Variants in LGSN observed in about 807,000 individuals in gnomAD.
LGSN encodes the protein lengsin, lens protein with glutamine synthetase domain.
A neutral mutation model predicts 19.5 loss-of-function variants in LGSN; 21 were observed. That is an observed-to-expected ratio of 1.07 (90% confidence interval 0.76 to 1.55). The LOEUF is 1.55. Among genes scored for constraint, LGSN ranks in the 40% most tolerant of loss-of-function variants. The pLI, the probability that LGSN is intolerant of heterozygous loss-of-function variation, is 0.00. For synonymous variants in LGSN, 257 were observed against 215.6 expected (o/e 1.19, Z -1.68); for missense variants, 673 against 608.5 (o/e 1.11, Z -1.12).
the LGSN span, among the ~76,000 whole-genome samples, chr6:63,390,791 C>T: frequency 6.9e-5 from 10 of 145,202 alleles, no homozygotes; most frequent in Non-Finnish European, 1.3e-4. Context: ...CCCCGGGGGA[C>T]GGAGCCTGCA....
At chr6:63,384,628 C>T in the LGSN span, among the ~76,000 whole-genome samples, 1 of 151,914 alleles carries the variant, frequency 6.6e-6, no homozygotes, top group African/African-American at 2.4e-5. Context: ...AGCAATTCTC[C>T]TGCCTCAGCC....
chr6:63,572,136 C>G, the LGSN span: 1 of 152,420 alleles, frequency 6.6e-6, no homozygotes, highest in African/African-American at 2.4e-5. Context: ...TGTGTGCACT[C>G]CTGGACCGTT....
At chr6:63,522,574 G>T in the LGSN span, among the ~76,000 whole-genome samples, 5 of 152,224 alleles carry the variant, frequency 3.3e-5, no homozygotes, top group East Asian at 9.6e-4. Context: ...TCTATAAGTT[G>T]AATATTCCCC....
At chr6:63,298,141 T>A (rs1043214508) in intron 1 of LGSN, among the ~76,000 whole-genome samples, 1 of 152,196 alleles carries the variant, frequency 6.6e-6, no homozygotes, top group Non-Finnish European at 1.5e-5. Context: ...GAAGTGGGAT[T>A]TGAAGTAGAG....
At chr6:63,453,047 C>T in the LGSN span, among the ~76,000 whole-genome samples, 1 of 151,986 alleles carries the variant, frequency 6.6e-6, no homozygotes, top group African/African-American at 2.4e-5. Context: ...TTCTTTGACT[C>T]GTATTTTATT....
the LGSN span, among the ~76,000 whole-genome samples, chr6:63,342,970 T>G: frequency 6.6e-6 from 1 of 152,202 alleles, no homozygotes; most frequent in East Asian, 1.9e-4. Context: ...GTTGAAAGTT[T>G]TTCCTTGTTG....
the LGSN span, among the ~76,000 whole-genome samples, chr6:63,412,416 A>AAAGAAAG: frequency 1.0e-5 from 1 of 97,476 alleles, no homozygotes; most frequent in East Asian, 2.5e-4. Flanking sequence ...AGAAAGAAAG[A>AAAGAAAG]AGAAAGAAAG....
chr6:63,543,067 C>T, the LGSN span, among the ~76,000 whole-genome samples: 1 of 152,090 alleles, frequency 6.6e-6, no homozygotes, highest in African/African-American at 2.4e-5. Context: ...TCAACTATAT[C>T]CCCCACTGCA....
chr6:63,348,938 A>T, the LGSN span, among the ~76,000 whole-genome samples: 1 of 152,080 alleles, frequency 6.6e-6, no homozygotes, highest in Admixed American at 6.5e-5. Flanking sequence ...TCAAAGGGGA[A>T]CAAGTTAATG....
At chr6:63,493,665 A>ATAG in the LGSN span, among the ~76,000 whole-genome samples, 2 of 151,500 alleles carry the variant, frequency 1.3e-5, no homozygotes, top group East Asian at 3.9e-4. Flanking sequence ...TACCATGACT[A>ATAG]TAGATTCCTC....
the LGSN span, among the ~76,000 whole-genome samples, chr6:63,360,649 T>C: frequency 6.6e-6 from 1 of 152,244 alleles, no homozygotes; most frequent in African/African-American, 2.4e-5. Flanking sequence ...CCTTCTTCTC[T>C]CAACTCATCA....
chr6:63,564,236 A>G, the LGSN span, among the ~76,000 whole-genome samples: 1 of 150,976 alleles, frequency 6.6e-6, no homozygotes, highest in Admixed American at 6.7e-5. Flanking sequence ...AGATTGCACC[A>G]TTGCACTCCA....
chr6:63,344,875 A>G, the LGSN span, among the ~76,000 whole-genome samples: 24 of 152,218 alleles, frequency 1.6e-4, no homozygotes, highest in Non-Finnish European at 3.4e-4. Flanking sequence ...CTATAAGCAC[A>G]CATAATACTG....
the LGSN span, among the ~76,000 whole-genome samples, chr6:63,387,075 T>C: frequency 8.6e-5 from 13 of 151,992 alleles, no homozygotes; most frequent in Admixed American, 8.5e-4. Flanking sequence ...TGCTCCAGCC[T>C]GGGCAACAGA....
At chr6:63,456,394 C>CTTT in the LGSN span, among the ~76,000 whole-genome samples, 7 of 62,148 alleles carry the variant, frequency 1.1e-4, no homozygotes, top group African/African-American at 4.7e-4. Context: ...TATATATATA[C>CTTT]TTTTTTTTTT....
At chr6:63,516,226 C>T in the LGSN span, among the ~76,000 whole-genome samples, 1 of 152,122 alleles carries the variant, frequency 6.6e-6, no homozygotes, top group Non-Finnish European at 1.5e-5. Context: ...AAACCTGTCA[C>T]TAAATTTTTT....
At position 63,280,296 on chromosome 6, in the gene LGSN, C is replaced by T. The variant is rs767520203; in HGVS notation, c.1255G>A (p.Val419Met). ...LGSATANPYL[V>M]LAATVAAGLD... is the part of the protein sequence containing the mutation. Reference sequence around the variant, plus strand: ...CCGGCAGCAACAGTTGCAGCCAGCACCAAGTAAGGGTTTGCTGTTGCTGAG... The same window carrying T: ...CCGGCAGCAACAGTTGCAGCCAGCATCAAGTAAGGGTTTGCTGTTGCTGAG... The change falls in exon 4 of 4, where the codon GTG becomes ATG. Residue 419 changes from valine (V) to methionine (M), a missense_variant. Coordinates refer to ENST00000370657, the MANE Select transcript of LGSN (RefSeq NM_016571.3). The T allele has an allele frequency of 3.7e-6, 6 of 1,614,088 alleles. No individual in the cohort carries two copies. Among genetic ancestry groups the T allele is most frequent in the South Asian group, 3.3e-5 (3 of 91,084 alleles).
At chr6:63,456,394 C>CTTTT in the LGSN span, among the ~76,000 whole-genome samples, 1 of 62,150 alleles carries the variant, frequency 1.6e-5, no homozygotes, top group African/African-American at 6.8e-5. Context: ...TATATATATA[C>CTTTT]TTTTTTTTTT....
At chr6:63,370,965 AG>A in the LGSN span, among the ~76,000 whole-genome samples, 23 of 152,214 alleles carry the variant, frequency 1.5e-4, no homozygotes, top group Non-Finnish European at 2.9e-4. Flanking sequence ...TGTGAAACGT[AG>A]ATTTTTATCA....
Sources: gnomAD v4.1 joint callset for allele counts (sites outside exome capture counted in the v4.1 genomes callset) on GRCh38, gnomAD v4.1.1 for gene constraint, MANE v1.5 for transcripts, NCBI Gene and HGNC (gene_info 2026-07-23, HGNC 2026-07-21) for gene names.